Variants in CAMSAP2 observed in about 807,000 individuals in gnomAD.
CAMSAP2 encodes the protein calmodulin regulated spectrin associated protein family member 2, also known as calmodulin-regulated spectrin-associated protein 2.
CAMSAP2 carries 26 observed loss-of-function variants against 146.1 expected under a neutral mutation model. The observed-to-expected ratio is 0.18, with a 90% CI of 0.13 to 0.25. CAMSAP2 has a LOEUF of 0.25. Among genes scored for constraint, CAMSAP2 ranks in the 10% least tolerant of loss-of-function variants. The pLI, the probability that CAMSAP2 is intolerant of heterozygous loss-of-function variation, is 1.00. For missense variants in CAMSAP2, 1,381 were observed against 1,759.3 expected (o/e 0.78, Z 3.85); for synonymous variants, 499 against 596.6 (o/e 0.84, Z 2.38).
chr1:200,818,214 A>C (rs1666657815), intron 4 of CAMSAP2, among the ~76,000 whole-genome samples: 1 of 152,168 alleles, frequency 6.6e-6, no homozygotes, highest in Non-Finnish European at 1.5e-5. Context: ...CCAAATGGGG[A>C]TTTTATATGA....
chr1:200,817,252 GTGTGTGTATA>G lies in CAMSAP2; in HGVS notation c.645+1610_645+1619del, dbSNP rs1666622380. Reference sequence around the variant, plus strand: ...TGTATATACACACATACACACATATGTGTGTGTATATACACACATATATATATATTTTCCC... The same window carrying G: ...TGTATATACACACATACACACATATGTACACACATATATATATATTTTCCC... On this transcript the variant is annotated intron_variant, in intron 4 of 16. Coordinates refer to ENST00000358823, the MANE Select transcript of CAMSAP2 (RefSeq NM_203459.4). 4.3e-4 allele frequency among the ~76,000 whole-genome samples: 4 copies of G among 9,282 alleles called. No homozygotes were observed. The Admixed American group carries it at 5.5e-3, about 13-fold the overall frequency. 6.1% of individuals were successfully genotyped at this position (9,282 alleles called of 152,430 possible). A position where few individuals can be genotyped will look rare whatever the true frequency, so the allele number is the denominator to read the frequency against.
rs992736202 is a variant in CAMSAP2 at position 200,848,792 on chromosome 1, G to A, written c.2023G>A (p.Gly675Ser). The A allele has an allele frequency of 1.3e-5, 21 of 1,614,152 alleles. No homozygotes were observed. The highest frequency in any genetic ancestry group is 1.8e-5 in the Non-Finnish European group (21 of 1,180,000). ...TACTGTAAGTACCAAGTCTCAGCCAGGCAGCAGTGCTTCTTCTAGTTCTGG... is the reference window on the plus strand; with the variant it reads ...TACTGTAAGTACCAAGTCTCAGCCAAGCAGCAGTGCTTCTTCTAGTTCTGG... Reference protein sequence around the residue: ...PSTVSTKSQPGSSASSSSGVK... With the variant: ...PSTVSTKSQPSSSASSSSGVK... Residue 675 changes from glycine (G) to serine (S), a missense_variant, in exon 11 of 17, where the codon GGC becomes AGC. This residue lies in a region of CAMSAP2 where 447 missense variants were observed against 462.2 expected (regional missense o/e 0.97). Coordinates refer to ENST00000358823, the MANE Select transcript of CAMSAP2 (RefSeq NM_203459.4).
At chr1:200,813,314 T>C (rs2102159476) in intron 3 of CAMSAP2, among the ~76,000 whole-genome samples, 1 of 152,358 alleles carries the variant, frequency 6.6e-6, no homozygotes, top group East Asian at 1.9e-4. Flanking sequence ...CACCTCTTAA[T>C]ATTAACACAT....
chr1:200,765,104 AAAAAAAAC>A (rs1202901109), intron 2 of CAMSAP2, among the ~76,000 whole-genome samples: 4 of 151,864 alleles, frequency 2.6e-5, no homozygotes, highest in African/African-American at 7.3e-5. Context: ...ATTCCATCTC[AAAAAAAAC>A]AAAAAAACAA....
chr1:200,844,903 C>A, intron 8 of CAMSAP2, 34 bp downstream of exon 8: 1 of 1,144,494 alleles, frequency 8.7e-7, no homozygotes, highest in Non-Finnish European at 1.3e-6. Flanking sequence ...TTCACCATTT[C>A]TATTCTATTT....
intron 2 of CAMSAP2, among the ~76,000 whole-genome samples, chr1:200,767,032 G>A (rs1664973500): frequency 6.6e-6 from 1 of 152,092 alleles, no homozygotes; most frequent in African/African-American, 2.4e-5. Flanking sequence ...AATTGATACA[G>A]TATTTAAGAA....
chr1:200,852,213 T>C (rs916288817), intron 11 of CAMSAP2, among the ~76,000 whole-genome samples: 34 of 152,300 alleles, frequency 2.2e-4, no homozygotes, highest in African/African-American at 8.2e-4. Context: ...TAAAAATTGG[T>C]GGGGGAACTA....
At chr1:200,781,736 G>A (rs946373106) in intron 2 of CAMSAP2, among the ~76,000 whole-genome samples, 6 of 151,910 alleles carry the variant, frequency 3.9e-5, no homozygotes, top group African/African-American at 1.5e-4. Flanking sequence ...TAGAGACAGG[G>A]TTTTGCCATG....
chr1:200,848,727 G>A lies in CAMSAP2; in HGVS notation c.1958G>A (p.Arg653Gln), dbSNP rs748956832. 9.3e-6 allele frequency: 15 copies of A among 1,614,078 alleles called. No homozygotes were observed. Among genetic ancestry groups the A allele is most frequent in the African/African-American group, 1.3e-5 (1 of 75,018 alleles). Reference protein sequence around the residue: ...ASKFLQDYDIRTGNTREALSP... With the variant: ...ASKFLQDYDIQTGNTREALSP... Reference sequence around the variant, plus strand: ...AAATTTCTTCAGGATTATGATATTCGAACTGGCAACACCAGGGAAGCTTTG... The same window carrying A: ...AAATTTCTTCAGGATTATGATATTCAAACTGGCAACACCAGGGAAGCTTTG... Residue 653 changes from arginine (R) to glutamine (Q), a missense_variant, in exon 11 of 17, where the codon CGA becomes CAA. Transcript: ENST00000358823.
intron 1 of CAMSAP2, among the ~76,000 whole-genome samples, chr1:200,755,464 C>T (rs1664620514): frequency 6.6e-6 from 1 of 152,174 alleles, no homozygotes; most frequent in Non-Finnish European, 1.5e-5. Context: ...TTCTTTGTGA[C>T]ACCCAAGTGA....
In CAMSAP2 at chr1:200,787,682, G is replaced by A. The variant is rs116339355; in HGVS notation, c.400-19694G>A. ...CAGAGTTTGATAGGACTGACTCCACGTTTGAAAGAAGTTCTACTGTGGGTA... is the reference window on the plus strand; with the variant it reads ...CAGAGTTTGATAGGACTGACTCCACATTTGAAAGAAGTTCTACTGTGGGTA... On this transcript the variant is annotated intron_variant, in intron 2 of 16. Transcript: ENST00000358823. 5.6e-3 allele frequency among the ~76,000 whole-genome samples: 853 copies of A among 152,292 alleles called. 11 individuals are homozygous for A. The highest frequency in any genetic ancestry group is 0.02 in the African/African-American group (818 of 41,550).
chr1:200,801,808 A>G (rs931637713), intron 2 of CAMSAP2, among the ~76,000 whole-genome samples: 3 of 152,014 alleles, frequency 2.0e-5, no homozygotes, highest in Admixed American at 2.0e-4. Context: ...TCTAAGATGA[A>G]CTCTTAAGTG....
chr1:200,784,359 A>G (rs1041327493), intron 2 of CAMSAP2, among the ~76,000 whole-genome samples: 3 of 152,206 alleles, frequency 2.0e-5, no homozygotes, highest in Admixed American at 6.5e-5. Flanking sequence ...TTGAATCTAT[A>G]GACCATTTTG....
intron 2 of CAMSAP2, among the ~76,000 whole-genome samples, chr1:200,777,128 G>A (rs1665303676): frequency 6.6e-6 from 1 of 152,180 alleles, no homozygotes; most frequent in African/African-American, 2.4e-5. Context: ...GCAGCCATAT[G>A]GGAAGAGGCA....
chr1:200,825,486 ATTCTTTCT>A (rs747246609), intron 4 of CAMSAP2, among the ~76,000 whole-genome samples: 4 of 149,072 alleles, frequency 2.7e-5, no homozygotes, highest in East Asian at 3.9e-4. Context: ...CCTAGAGATC[ATTCTTTCT>A]TTCTTTCTTT....
intron 2 of CAMSAP2, among the ~76,000 whole-genome samples, chr1:200,782,327 T>A (rs1251522048): frequency 6.6e-6 from 1 of 152,138 alleles, no homozygotes; most frequent in African/African-American, 2.4e-5. Context: ...AAGGCATAAT[T>A]TACATAAAAT....
At chr1:200,797,112 A>G (rs1665906571) in intron 2 of CAMSAP2, among the ~76,000 whole-genome samples, 1 of 152,060 alleles carries the variant, frequency 6.6e-6, no homozygotes. Context: ...GCTATTGTGA[A>G]TAATGCCGCA....
chr1:200,783,501 G>T (rs770629415), intron 2 of CAMSAP2, among the ~76,000 whole-genome samples: 2 of 151,548 alleles, frequency 1.3e-5, no homozygotes, highest in Non-Finnish European at 2.9e-5. Context: ...TTCTTCTTTT[G>T]AGACAAGGCC....
At chr1:200,763,605 G>C (rs910333484) in intron 2 of CAMSAP2, among the ~76,000 whole-genome samples, 2 of 152,112 alleles carry the variant, frequency 1.3e-5, no homozygotes, top group African/African-American at 4.8e-5. Flanking sequence ...TTAACCCTTT[G>C]CAGTGTCACA....
Sources: allele counts gnomAD v4.1 joint callset (sites outside exome capture counted in the v4.1 genomes callset), GRCh38; gene constraint gnomAD v4.1.1; regional missense constraint gnomAD v4.1.1; transcripts MANE v1.5; gene names NCBI Gene and HGNC (gene_info 2026-07-23, HGNC 2026-07-21).